DNER: variants seen among roughly 807,000 people sequenced by gnomAD.
DNER encodes the protein delta/notch like EGF repeat containing.
In DNER, 33 loss-of-function variants were observed where a neutral mutation model predicts 78.2. The ratio of observed to expected loss-of-function variants is 0.42; its 90% confidence interval spans 0.32 to 0.56. The LOEUF (loss-of-function observed/expected upper bound fraction) is 0.56, where lower values mean the gene tolerates loss of function less well. DNER is among the 20% of genes least tolerant of loss of function. The pLI, the probability that DNER is intolerant of heterozygous loss-of-function variation, is 0.11. For synonymous variants in DNER, 417 were observed against 384.8 expected (o/e 1.08, Z -0.98); for missense variants, 918 against 975.3 (o/e 0.94, Z 0.78).
At chr2:229,551,525 G>A (rs7568208) in intron 4 of DNER, among the ~76,000 whole-genome samples, 4,720 of 151,886 alleles carry the variant, frequency 0.031, 248 homozygotes, top group African/African-American at 0.11. Context: ...TCCCAGCTAC[G>A]TGGGAGGCTG....
chr2:229,461,716 T>G (rs970904258), intron 7 of DNER, among the ~76,000 whole-genome samples: 9 of 152,188 alleles, frequency 5.9e-5, no homozygotes, highest in Middle Eastern at 6.8e-3. Flanking sequence ...GGATTTACAA[T>G]CTTCCTTGAA....
chr2:229,371,129 A>G (rs902419743), intron 11 of DNER, among the ~76,000 whole-genome samples: 1 of 152,046 alleles, frequency 6.6e-6, no homozygotes, highest in African/African-American at 2.4e-5. Context: ...ATTCCACCTC[A>G]CTGTCATCTA....
intron 5 of DNER, among the ~76,000 whole-genome samples, chr2:229,544,434 T>C (rs902078426): frequency 6.6e-6 from 1 of 152,184 alleles, no homozygotes; most frequent in African/African-American, 2.4e-5. Context: ...TTCACTATGC[T>C]TTCGGGTTCC....
chr2:229,580,160 T>C (rs1697368160), intron 4 of DNER: 1 of 152,204 alleles, frequency 6.6e-6, no homozygotes, highest in Admixed American at 6.5e-5. Context: ...AGAGGAGTCA[T>C]GGGCTGACTG....
chr2:229,412,776 G>A lies in DNER; in HGVS notation c.1609+5332C>T, dbSNP rs557360485. On this transcript the variant is annotated intron_variant, in intron 9 of 12. Transcript: ENST00000341772. ...GAAGTTGCAGAAGACACAGCAAGGC[G>A]ACGTGCAAGAGGGACCCCAGGGCTC... Among the ~76,000 whole-genome samples, 12 of 152,314 alleles carry A rather than the reference G, an allele frequency of 7.9e-5. No individual in the cohort carries two copies. In the East Asian group the frequency reaches 1.4e-3, roughly 17 times the overall value.
At chr2:229,586,208 G>A (rs1156696336) in intron 3 of DNER, among the ~76,000 whole-genome samples, 184 bp from the exon 4 acceptor site, 2 of 152,116 alleles carry the variant, frequency 1.3e-5, no homozygotes, top group African/African-American at 4.8e-5. Context: ...TGTTCACAGT[G>A]TACCACAAAA....
At chr2:229,465,819 T>A (rs902957218) in intron 7 of DNER, among the ~76,000 whole-genome samples, 1 of 152,146 alleles carries the variant, frequency 6.6e-6, no homozygotes, top group Admixed American at 6.5e-5. Flanking sequence ...AAACATGTCA[T>A]CTGCATTTTA....
Position 229,477,633 on chromosome 2 carries a change from G to A in DNER, c.1148-380C>T, listed in dbSNP as rs571817272. On this transcript the variant is annotated intron_variant, in intron 6 of 12. Coordinates refer to ENST00000341772, the MANE Select transcript of DNER (RefSeq NM_139072.4). ...TCAGCTTGATCTAACTGAGATAATG[G>A]CCACATTCCCTAGGCCATCACAACA... is the stretch of plus-strand genomic sequence containing the variant. Among the ~76,000 whole-genome samples, 9 of 152,110 alleles carry A rather than the reference G, an allele frequency of 5.9e-5. No homozygotes were observed. The South Asian group carries it at 1.9e-3, about 32-fold the overall frequency.
Position 229,381,745 on chromosome 2 carries a change from A to C in DNER, c.1855+6520T>G, listed in dbSNP as rs1460237777. 2.0e-5 allele frequency among the ~76,000 whole-genome samples: 3 copies of C among 152,230 alleles called. No homozygotes were observed. In the East Asian group the frequency reaches 5.8e-4, roughly 29 times the overall value. On this transcript the variant is annotated intron_variant, in intron 11 of 12. Transcript: ENST00000341772. Reference sequence around the variant, plus strand: ...CTCTCTAGATTCCTCCTCTCTGTGCAGGGCATTTCTGAAAGAAAAGCAGCA... The same window carrying C: ...CTCTCTAGATTCCTCCTCTCTGTGCCGGGCATTTCTGAAAGAAAAGCAGCA...
chr2:229,385,286 A>G (rs1260593020), intron 11 of DNER, among the ~76,000 whole-genome samples: 2 of 152,162 alleles, frequency 1.3e-5, no homozygotes, highest in Admixed American at 1.3e-4. Flanking sequence ...CCTTCATGCT[A>G]AAAACTCTCA....
chr2:229,580,145 G>A (rs1282352942), intron 4 of DNER: 2 of 152,034 alleles, frequency 1.3e-5, no homozygotes, highest in South Asian at 2.1e-4. Flanking sequence ...GCTCCCAGGA[G>A]GCTCAGAGGA....
At chr2:229,508,857 G>A (rs967717875) in intron 6 of DNER, among the ~76,000 whole-genome samples, 1 of 151,670 alleles carries the variant, frequency 6.6e-6, no homozygotes, top group African/African-American at 2.4e-5. Flanking sequence ...CTCCAGCCTG[G>A]GCGACAGAGT....
At chr2:229,560,149 C>A (rs559298202) in intron 4 of DNER, among the ~76,000 whole-genome samples, 1 of 152,288 alleles carries the variant, frequency 6.6e-6, no homozygotes, top group South Asian at 2.1e-4. Context: ...AATATTAATA[C>A]TAAAGAGTCT....
chr2:229,650,511 C>A (rs1358537030), intron 1 of DNER, among the ~76,000 whole-genome samples: 1 of 152,182 alleles, frequency 6.6e-6, no homozygotes, highest in Admixed American at 6.5e-5. Flanking sequence ...TAGAGTCAGA[C>A]CCTCTTGAGA....
intron 8 of DNER, among the ~76,000 whole-genome samples, chr2:229,442,361 A>G (rs149982045): frequency 0.012 from 1,753 of 152,104 alleles, 12 homozygotes; most frequent in Non-Finnish European, 0.019. Flanking sequence ...TAAAAATACA[A>G]AAAATTAGCT....
intron 1 of DNER, among the ~76,000 whole-genome samples, chr2:229,630,471 C>G (rs923041873): frequency 7.6e-6 from 1 of 132,096 alleles, no homozygotes; most frequent in Non-Finnish European, 1.6e-5. Context: ...GTGAGAGACT[C>G]CATCTCAAAA....
At chr2:229,547,206 C>G in intron 4 of DNER, 114 bp from the exon 5 acceptor site, 1 of 1,424,686 alleles carries the variant, frequency 7.0e-7, no homozygotes, top group Admixed American at 2.3e-5. Context: ...GTAGGCAGCA[C>G]TCAAGTCTGA....
intron 3 of DNER, among the ~76,000 whole-genome samples, chr2:229,587,737 A>G (rs1215995305): frequency 6.6e-6 from 1 of 152,106 alleles, no homozygotes; most frequent in Admixed American, 6.5e-5. Context: ...GGGGCACCCT[A>G]ATACTGGCCC....
At chr2:229,413,064 T>G (rs2106346749) in intron 9 of DNER, among the ~76,000 whole-genome samples, 1 of 152,022 alleles carries the variant, frequency 6.6e-6, no homozygotes, top group South Asian at 2.1e-4. Context: ...TCTAAGAACT[T>G]TTTTTTTCTT....
Sources: gnomAD v4.1 joint callset for allele counts (sites outside exome capture counted in the v4.1 genomes callset) on GRCh38, gnomAD v4.1.1 for gene constraint, MANE v1.5 for transcripts, NCBI Gene and HGNC (gene_info 2026-07-23, HGNC 2026-07-21) for gene names.